Variants in FMNL1 observed in about 807,000 individuals in gnomAD.
FMNL1 encodes formin-like protein 1.
FMNL1 carries 43 observed loss-of-function variants against 121.3 expected under a neutral mutation model. That is an observed-to-expected ratio of 0.35 (90% CI 0.28 to 0.46). The LOEUF is 0.46. Among genes scored for constraint, FMNL1 ranks in the 20% least tolerant of loss-of-function variants. The pLI is 1.00. For synonymous variants in FMNL1, 613 were observed against 613.5 expected (o/e 1.00, Z 0.01); for missense variants, 1,191 against 1,482.4 (o/e 0.80, Z 3.23).
Position 45,242,701 on chromosome 17 carries a change from C to T in FMNL1, c.2010+236C>T, listed in dbSNP as rs184732012. 1.4e-3 allele frequency among the ~76,000 whole-genome samples: 210 copies of T among 152,372 alleles called. 1 individual carries two copies. The highest frequency in any genetic ancestry group is 2.3e-3 in the Non-Finnish European group (157 of 68,030). On this transcript the variant is annotated intron_variant, in intron 16 of 26. Coordinates refer to ENST00000331495, the MANE Select transcript of FMNL1 (RefSeq NM_005892.4). Reference sequence around the variant, plus strand: ...AGGGGTGCCTCCCCTCACCCCACTTCTTCTGCCTCCAGGCCTCTTTCCTTC... The same window carrying T: ...AGGGGTGCCTCCCCTCACCCCACTTTTTCTGCCTCCAGGCCTCTTTCCTTC...
At chr17:45,244,277 CT>C (rs1311310934) in intron 19 of FMNL1, 33 bp downstream of exon 19, 2 of 1,594,350 alleles carry the variant, frequency 1.3e-6, no homozygotes, top group African/African-American at 2.7e-5. Flanking sequence ...CCACCCTTGC[CT>C]GTTCTGGATA....
At position 45,232,348 on chromosome 17, in the gene FMNL1, C is replaced by A; in HGVS notation, c.214-19C>A. 2.5e-6 allele frequency: 4 copies of A among 1,611,746 alleles called. No homozygotes were observed. The highest frequency in any genetic ancestry group is 3.4e-6 in the Non-Finnish European group (4 of 1,178,258). ...GTAGCTCTGGCTGGTTTTCTGTACA[C>A]CCCATTCCATCTCCCCAGGAGCGGT... On this transcript the variant is annotated intron_variant, in intron 2 of 26. Coordinates refer to ENST00000331495, the MANE Select transcript of FMNL1 (RefSeq NM_005892.4).
intron 1 of FMNL1, among the ~76,000 whole-genome samples, chr17:45,225,730 C>T (rs922172358): frequency 3.3e-5 from 5 of 152,064 alleles, no homozygotes; most frequent in African/African-American, 9.7e-5. Context: ...AAGGCAGGGA[C>T]GTTTCCTGAG....
chr17:45,245,064 C>T lies in FMNL1; in HGVS notation c.2684C>T (p.Thr895Ile). The change falls in exon 21 of 27, where the codon ACA becomes ATA. Residue 895 changes from threonine (T) to isoleucine (I), a missense_variant. Thr to Ile is a moderately conservative substitution (Grantham distance 89). Around this residue, in one of 4 missense-constraint regions of FMNL1, gnomAD observed 367 missense variants for 528.6 expected, o/e 0.69. Transcript: ENST00000331495. Reference sequence around the variant, plus strand: ...ATTGCTGAGAAGTACCCGCAACTCACAGGCTTCCACAGCGACCTGCACTTC... The same window carrying T: ...ATTGCTGAGAAGTACCCGCAACTCATAGGCTTCCACAGCGACCTGCACTTC... ...KVIAEKYPQL[T>I]GFHSDLHFLD... The T allele has an allele frequency of 6.2e-7, 1 of 1,614,212 alleles. No individual in the cohort carries two copies. The highest frequency in any genetic ancestry group is 1.6e-4 in the Middle Eastern group (1 of 6,062).
chr17:45,242,174 G>T (rs1426212838), intron 15 of FMNL1, 28 bp downstream of exon 15: 2 of 1,526,416 alleles, frequency 1.3e-6, no homozygotes, highest in Non-Finnish European at 1.8e-6. Context: ...CCTTGGGCCC[G>T]GGGCTGGGGG....
At chr17:45,234,507 T>G in intron 6 of FMNL1, 1 of 366,992 alleles carries the variant, frequency 2.7e-6, no homozygotes. Context: ...TCTACTAAAA[T>G]ACAAAAATTA....
chr17:45,222,782 T>C (rs1180210388), intron 1 of FMNL1, among the ~76,000 whole-genome samples: 1 of 152,074 alleles, frequency 6.6e-6, no homozygotes, highest in Non-Finnish European at 1.5e-5. Flanking sequence ...CCCCGCCATA[T>C]GTCAGAGCCA....
chr17:45,237,922 G>A lies in FMNL1; in HGVS notation c.894+283G>A. On this transcript the variant is annotated intron_variant, in intron 9 of 26. Transcript: ENST00000331495. The surrounding 1 kb of genome is among the most constrained non-coding windows in gnomAD (Gnocchi z 4.4). ...ACTCAGCCTTGCCAGATCCAAACTAGCCTTGGTTCATACCTCCAGGAGTTG... is the reference window on the plus strand; with the variant it reads ...ACTCAGCCTTGCCAGATCCAAACTAACCTTGGTTCATACCTCCAGGAGTTG... 1 of 375,954 alleles carries A rather than the reference G, an allele frequency of 2.7e-6. No homozygotes were observed. Among genetic ancestry groups the A allele is most frequent in the Non-Finnish European group, 5.0e-6 (1 of 202,004 alleles). The allele number at this position is 375,954 out of a possible 1,614,324, so 23.3% of individuals were successfully genotyped here.
chr17:45,222,933 C>T (rs1297230947), intron 1 of FMNL1, among the ~76,000 whole-genome samples: 1 of 152,118 alleles, frequency 6.6e-6, no homozygotes, highest in Non-Finnish European at 1.5e-5. Context: ...CTGTGCCTAC[C>T]TGGGGAATTG....
intron 6 of FMNL1, 78 bp downstream of exon 6, chr17:45,234,278 C>CG (rs973588803): frequency 6.2e-7 from 1 of 1,608,852 alleles, no homozygotes; most frequent in African/African-American, 1.3e-5. Context: ...CAGCCCACCC[C>CG]GGGCCCTTGG....
intron 12 of FMNL1, chr17:45,240,912 C>T: frequency 1.4e-6 from 1 of 699,184 alleles, no homozygotes; most frequent in South Asian, 1.8e-5. Flanking sequence ...AGCTCAGTCT[C>T]CTCCTCTCCC....
Position 45,242,077 on chromosome 17 carries a change from C to A in FMNL1, c.1816C>A (p.Pro606Thr). The A allele has an allele frequency of 6.6e-7, 1 of 1,515,828 alleles. No individual in the cohort carries two copies. The highest frequency in any genetic ancestry group is 8.8e-7 in the Non-Finnish European group (1 of 1,134,666). The allele number at this position is 1,515,828 out of a possible 1,614,324, so 93.9% of individuals were successfully genotyped here. A position where few individuals can be genotyped will look rare whatever the true frequency, so the allele number is the denominator to read the frequency against. Residue 606 changes from proline to threonine, a missense_variant, in exon 15 of 27, where the codon CCG becomes ACG. This residue lies in a region of FMNL1 where 519 missense variants were observed against 492.8 expected (regional missense o/e 1.05). Transcript: ENST00000331495. The stretch of plus-strand genomic sequence containing the variant: ...TGACGGGCCGGTGCCTCCGCCGCCG[C>A]CGCCGCCGCCGCCGCCTCCCGGAGG... ...GTDGPVPPPP[P>T]PPPPPPGGPP... is the part of the protein sequence containing the mutation.
intron 1 of FMNL1, among the ~76,000 whole-genome samples, chr17:45,228,315 C>T (rs2043370332): frequency 6.6e-6 from 1 of 152,146 alleles, no homozygotes; most frequent in Non-Finnish European, 1.5e-5. Flanking sequence ...CCTGAGAAGG[C>T]CCAGGTGGGG....
chr17:45,241,951 C>A lies in FMNL1; in HGVS notation c.1690C>A (p.Gln564Lys). ...GGAAGCCCCGCCCTCTGCGCCCCCA[C>A]AGGCCCCGCCTCTCCCTGGCAGCCC... ...PQEAPPSAPP[Q>K]APPLPGSPEP... is the part of the protein sequence containing the mutation. Residue 564 changes from glutamine (Q) to lysine (K), a missense_variant, in exon 15 of 27, where the codon CAG (glutamine) becomes AAG (lysine). Around this residue, in one of 4 missense-constraint regions of FMNL1, gnomAD observed 519 missense variants for 492.8 expected, o/e 1.05. Coordinates refer to ENST00000331495, the MANE Select transcript of FMNL1 (RefSeq NM_005892.4). This position sits in a 1 kb window ranked among gnomAD's most constrained non-coding sequence, Gnocchi z 7.0. The A allele has an allele frequency of 7.5e-7, 1 of 1,339,710 alleles. No individual in the cohort carries two copies. Among genetic ancestry groups the A allele is most frequent in the South Asian group, 1.8e-5 (1 of 54,644 alleles). 83.0% of individuals were successfully genotyped at this position (1,339,710 alleles called of 1,614,324 possible).
In FMNL1 at chr17:45,226,672, C is replaced by T. The variant is rs144442826; in HGVS notation, c.130-3932C>T. Among the ~76,000 whole-genome samples, 113 of 152,250 alleles carry T rather than the reference C, an allele frequency of 7.4e-4. 1 individual carries two copies. The highest frequency in any genetic ancestry group is 2.6e-3 in the African/African-American group (109 of 41,540). On this transcript the variant is annotated intron_variant, in intron 1 of 26. Transcript: ENST00000331495. The stretch of plus-strand genomic sequence containing the variant: ...TTGATGTAAAGTGCTTAGAACGGCA[C>T]CTAGCACCCAGTGTTTGGGATTGAG...
chr17:45,247,257 C>T lies in FMNL1; in HGVS notation c.*399C>T. ...AAGTGCACCTCGCCCCCGCAAGCCCCAGCCCCGAGGACCGTCCATGGACCT... is the reference window on the plus strand; with the variant it reads ...AAGTGCACCTCGCCCCCGCAAGCCCTAGCCCCGAGGACCGTCCATGGACCT... On this transcript the variant is annotated 3_prime_UTR_variant, in exon 27 of 27. Coordinates refer to ENST00000331495, the MANE Select transcript of FMNL1 (RefSeq NM_005892.4). 2.2e-6 allele frequency: 1 copy of T among 457,082 alleles called. No individual in the cohort carries two copies. The highest frequency in any genetic ancestry group is 3.9e-6 in the Non-Finnish European group (1 of 255,096). 28.3% of individuals were successfully genotyped at this position (457,082 alleles called of 1,614,324 possible). A position where few individuals can be genotyped will look rare whatever the true frequency, so the allele number is the denominator to read the frequency against.
intron 9 of FMNL1, chr17:45,238,163 A>G: frequency 4.7e-6 from 1 of 212,170 alleles, no homozygotes; most frequent in Non-Finnish European, 9.6e-6. Context: ...ATAGTATGTT[A>G]GGAAATGATA....
At position 45,244,845 on chromosome 17, in the gene FMNL1, G is replaced by A. The variant is rs1423011824; in HGVS notation, c.2544G>A (p.Met848Ile). 2 of 1,613,646 alleles carry A rather than the reference G, an allele frequency of 1.2e-6. No individual in the cohort carries two copies. Among genetic ancestry groups the A allele is most frequent in the South Asian group, 1.1e-5 (1 of 91,014 alleles). Residue 848 changes from methionine (M) to isoleucine (I), a missense_variant, in exon 20 of 27, where the codon ATG (methionine) becomes ATA (isoleucine). Physicochemically the swap from Met to Ile is conservative, Grantham distance 10. Transcript: ENST00000331495. ...LEIVLAFGNY[M>I]NSSKRGAAYG... is the part of the protein sequence containing the mutation. ...TTGTCCTGGCCTTTGGCAACTACAT[G>A]AACAGTAGCAAGCGTGGGGCAGCCT...
intron 19 of FMNL1, 133 bp from the exon 20 acceptor site, chr17:45,244,686 C>A (rs2043788773): frequency 3.5e-6 from 3 of 869,264 alleles, no homozygotes; most frequent in Non-Finnish European, 1.8e-6. Flanking sequence ...ATCTGAGGGG[C>A]CTGTGCAGGA....
Sources: gnomAD v4.1 joint callset for allele counts (sites outside exome capture counted in the v4.1 genomes callset) on GRCh38, gnomAD v4.1.1 for gene constraint, gnomAD v4.1.1 regional missense constraint, Gnocchi (gnomAD v3.1) non-coding constraint, MANE v1.5 for transcripts, NCBI Gene and HGNC (gene_info 2026-07-23, HGNC 2026-07-21) for gene names.